Variants in ATAD2B observed in about 807,000 individuals in gnomAD.
ATAD2B encodes the protein ATPase family AAA domain-containing protein 2B.
A neutral mutation model predicts 167.6 loss-of-function variants in ATAD2B; 40 were observed. The ratio of observed to expected loss-of-function variants is 0.24; its 90% CI spans 0.19 to 0.31. ATAD2B has a LOEUF of 0.31. Ranked by LOEUF, ATAD2B falls within the 10% of genes least tolerant of loss-of-function variation. The probability of loss-of-function intolerance (pLI) is 1.00; values close to 1 mark genes in which losing one functional copy is unlikely to be tolerated. For synonymous variants in ATAD2B, 579 were observed against 596.5 expected, an observed-to-expected ratio of 0.97 and a Z score of 0.43; for missense variants, 1,242 against 1,757.2, an observed-to-expected ratio of 0.71 and a Z score of 5.24.
chr2:23,893,327 T>C (rs1385247559), intron 2 of ATAD2B, among the ~76,000 whole-genome samples: 1 of 152,198 alleles, frequency 6.6e-6, no homozygotes, highest in African/African-American at 2.4e-5. Context: ...TCCATATGAA[T>C]TATTATTTCT....
At chr2:23,743,670 G>C (rs1295292180), downstream of ATAD2B, among the ~76,000 whole-genome samples, 1 of 151,968 alleles carries the variant, frequency 6.6e-6, no homozygotes, top group Non-Finnish European at 1.5e-5. Context: ...CTGTCACTCA[G>C]GCTGGAGTGC....
chr2:23,807,828 A>AAAT (rs1553397825), intron 18 of ATAD2B, among the ~76,000 whole-genome samples: 19 of 119,030 alleles, frequency 1.6e-4, no homozygotes, highest in African/African-American at 6.1e-4. Flanking sequence ...AAAAAAAAAA[A>AAAT]ATATATATAT....
intron 22 of ATAD2B, among the ~76,000 whole-genome samples, chr2:23,781,333 A>AAAATAAATAAATAAAT (rs57132440): frequency 2.8e-5 from 4 of 144,558 alleles, no homozygotes; most frequent in South Asian, 2.2e-4. Context: ...TGACCACAAA[A>AAAATAAATAAATAAAT]AAATAAATAA....
intron 15 of ATAD2B, among the ~76,000 whole-genome samples, chr2:23,826,321 T>C (rs1688245725): frequency 1.3e-5 from 2 of 152,238 alleles, no homozygotes; most frequent in Admixed American, 6.5e-5. Flanking sequence ...GTTAGGCCTC[T>C]TGTCCTGTCA....
intron 2 of ATAD2B, among the ~76,000 whole-genome samples, chr2:23,892,463 TTTTTC>T (rs1386683590): frequency 6.9e-6 from 1 of 145,240 alleles, no homozygotes; most frequent in African/African-American, 2.6e-5. Flanking sequence ...TGCGCCCGGT[TTTTTC>T]TTTTCTTTTT....
chr2:23,921,777 A>G (rs909561291), intron 1 of ATAD2B, among the ~76,000 whole-genome samples: 3 of 152,150 alleles, frequency 2.0e-5, no homozygotes, highest in Non-Finnish European at 4.4e-5. Flanking sequence ...TATTGTACCT[A>G]TATTGTACTA....
chr2:23,786,178 G>C lies in ATAD2B; in HGVS notation c.2822C>G (p.Pro941Arg), dbSNP rs768423594. ...TTTTTCTGATTCTGATAATTGACGA[G>C]GTGGAGAAGGTAGTGCAAGAGGAAG... is the stretch of plus-strand genomic sequence containing the variant. Reference protein sequence around the residue: ...EVLPLALPSPPRQLSESEKSR... With the variant: ...EVLPLALPSPRRQLSESEKSR... Residue 941 changes from proline (P) to arginine (R), a missense_variant, in exon 21 of 28, where the codon CCT (proline) becomes CGT (arginine). Pro to Arg is a moderately radical substitution (Grantham distance 103). Transcript: ENST00000238789. The C allele has an allele frequency of 6.3e-7, 1 of 1,593,302 alleles. No individual in the cohort carries two copies. Among genetic ancestry groups the C allele is most frequent in the Admixed American group, 1.8e-5 (1 of 56,744 alleles).
At chr2:23,885,116 A>AT (rs1698485150) in intron 5 of ATAD2B, among the ~76,000 whole-genome samples, 1 of 152,232 alleles carries the variant, frequency 6.6e-6, no homozygotes, top group Non-Finnish European at 1.5e-5. Context: ...CCTCAAGCAA[A>AT]TTACAGCCTA....
In ATAD2B at chr2:23,828,806, GAACA is replaced by G. The variant is rs535484020; in HGVS notation, c.1819+39_1819+42del. ...AATAAGGGGAAAGGGAGGTTGAGCA[GAACA>G]AACAATGACAATCAAAAAATTCAAA... On this transcript the variant is annotated intron_variant, in intron 15 of 27. Coordinates refer to ENST00000238789, the MANE Select transcript of ATAD2B (RefSeq NM_017552.4). 12,072 of 1,310,646 alleles carry G rather than the reference GAACA, an allele frequency of 9.2e-3. 65 individuals are homozygous for G. Among genetic ancestry groups the G allele is most frequent in the Non-Finnish European group, 0.012 (10,705 of 912,976 alleles). The allele number at this position is 1,310,646 out of a possible 1,614,324, so 81.2% of individuals were successfully genotyped here.
intron 2 of ATAD2B, among the ~76,000 whole-genome samples, chr2:23,894,572 A>G (rs1226895920): frequency 6.6e-6 from 1 of 152,214 alleles, no homozygotes; most frequent in Non-Finnish European, 1.5e-5. Context: ...GCACTTGAAT[A>G]AACTGTTAAA....
chr2:23,926,101 C>T (rs1277075110), intron 1 of ATAD2B, among the ~76,000 whole-genome samples: 1 of 152,202 alleles, frequency 6.6e-6, no homozygotes, highest in Non-Finnish European at 1.5e-5. Context: ...ACTTGAACCA[C>T]CCCCAAACTG....
intron 6 of ATAD2B, among the ~76,000 whole-genome samples, chr2:23,884,077 G>A (rs1698350206): frequency 6.6e-6 from 1 of 152,106 alleles, no homozygotes; most frequent in African/African-American, 2.4e-5. Flanking sequence ...CCAGGAGGCG[G>A]AGGTTGCAGT....
At chr2:23,736,127 G>A in the ATAD2B span, among the ~76,000 whole-genome samples, 1 of 152,106 alleles carries the variant, frequency 6.6e-6, no homozygotes, top group Non-Finnish European at 1.5e-5. Context: ...TGAAAATAGA[G>A]AATACTATTA....
intron 2 of ATAD2B, among the ~76,000 whole-genome samples, chr2:23,889,975 G>A (rs1236575187): frequency 6.0e-5 from 9 of 150,802 alleles, no homozygotes; most frequent in Admixed American, 5.3e-4. Flanking sequence ...AACACTTTGG[G>A]AGGCCGAGGC....
At position 23,762,231 on chromosome 2, in the gene ATAD2B, G is replaced by C. The variant is rs1200804093; in HGVS notation, c.3372C>G (p.His1124Gln). Residue 1124 changes from histidine to glutamine, a missense_variant, in exon 24 of 28, where the codon CAC (histidine) becomes CAG (glutamine). Transcript: ENST00000238789. Reference sequence around the variant, plus strand: ...CACATGCACATTTATTTGCAGAGTTGTGCCACACATCCATTGGATTTCTTT... The same window carrying C: ...CACATGCACATTTATTTGCAGAGTTCTGCCACACATCCATTGGATTTCTTT... ...HKQRNPMDVW[H>Q]NSANKCAFRV... 1 of 1,613,500 alleles carries C rather than the reference G, an allele frequency of 6.2e-7. No homozygotes were observed. Among genetic ancestry groups the C allele is most frequent in the Admixed American group, 1.7e-5 (1 of 59,984 alleles).
intron 1 of ATAD2B, among the ~76,000 whole-genome samples, chr2:23,906,798 C>T (rs1440437640): frequency 1.3e-5 from 2 of 151,940 alleles, no homozygotes; most frequent in East Asian, 3.9e-4. Context: ...CCCTGGGATG[C>T]AAGGCTGGTT....
chr2:23,832,970 G>T (rs138343256), intron 14 of ATAD2B, among the ~76,000 whole-genome samples: 1 of 152,306 alleles, frequency 6.6e-6, no homozygotes, highest in East Asian at 1.9e-4. Flanking sequence ...ATACATTCCT[G>T]AAGGCTGCAC....
chr2:23,869,600 A>G (rs1281637069), intron 9 of ATAD2B, 63 bp downstream of exon 9: 2 of 1,124,836 alleles, frequency 1.8e-6, no homozygotes, highest in South Asian at 1.3e-5. Context: ...AAAGAAAATC[A>G]CTCAAAAAAA....
At chr2:23,895,652 T>C (rs1172408166) in intron 2 of ATAD2B, among the ~76,000 whole-genome samples, 167 bp downstream of exon 2, 1 of 152,140 alleles carries the variant, frequency 6.6e-6, no homozygotes, top group Non-Finnish European at 1.5e-5. Flanking sequence ...AAAACAAATA[T>C]AGAAAATAAA....
Sources: allele counts gnomAD v4.1 joint callset (sites outside exome capture counted in the v4.1 genomes callset), GRCh38; gene constraint gnomAD v4.1.1; transcripts MANE v1.5; gene names NCBI Gene and HGNC (gene_info 2026-07-23, HGNC 2026-07-21).